The following VHL variants were observed in gnomAD, a reference collection of about 807,000 sequenced individuals.
The protein encoded by VHL is von Hippel-Lindau tumor suppressor.
VHL carries 10 observed loss-of-function variants against 19.2 expected under a neutral mutation model. The ratio of observed to expected loss-of-function variants is 0.52; its 90% CI spans 0.32 to 0.89. The LOEUF is 0.89. Among genes scored for constraint, VHL ranks in the 40% least tolerant of loss-of-function variants. VHL has a pLI of 0.03. For missense variants in VHL, 328 were observed against 292.7 expected, an observed-to-expected ratio of 1.12 and a Z score of -0.88; for synonymous variants, 167 against 129.5, an observed-to-expected ratio of 1.29 and a Z score of -1.97.
At chr3:10,146,967 A>G (rs763511251) in intron 2 of VHL, among the ~76,000 whole-genome samples, 13 of 152,162 alleles carry the variant, frequency 8.5e-5, no homozygotes, top group African/African-American at 1.4e-4. Context: ...CAGGAGAACA[A>G]TGTGTAGAGC....
rs755794553 is a variant in VHL, at chr3:10,142,114, C to T, written c.267C>T (p.Leu89=). 1.2e-6 allele frequency: 2 copies of T among 1,602,316 alleles called. No homozygotes were observed. Among genetic ancestry groups the T allele is most frequent in the Non-Finnish European group, 8.5e-7 (1 of 1,179,706 alleles). The part of the protein sequence containing the change: ...RSPRVVLPVW[L]NFDGEPQPYP... ...CGCGCGTCGTGCTGCCCGTATGGCT[C>T]AACTTCGACGGCGAGCCGCAGCCCT... The change falls in exon 1 of 3, where the codon CTC becomes CTT. Residue 89 remains leucine, a synonymous_variant. Transcript: ENST00000256474.
intron 2 of VHL, among the ~76,000 whole-genome samples, chr3:10,147,136 C>T (rs943512810): frequency 4.0e-5 from 6 of 151,698 alleles, no homozygotes; most frequent in African/African-American, 1.2e-4. Flanking sequence ...CTCAGCCTCC[C>T]GAGTAGCTGG....
chr3:10,150,503 C>T lies in VHL; in HGVS notation c.*538C>T, dbSNP rs1696383851. 4.8e-6 allele frequency: 2 copies of T among 420,800 alleles called. No individual in the cohort carries two copies. Among genetic ancestry groups the T allele is most frequent in the South Asian group, 1.5e-4 (2 of 13,456 alleles). The allele number at this position is 420,800 out of a possible 1,614,324, so 26.1% of individuals were successfully genotyped here. On this transcript the variant is annotated 3_prime_UTR_variant, in exon 3 of 3. Coordinates refer to ENST00000256474, the MANE Select transcript of VHL (RefSeq NM_000551.4). ...TTTGTCAGAGGAACAAACCAGGGGA[C>T]ACTTTGTTAGAAAGTGCTTAGAGGT...
intron 1 of VHL, among the ~76,000 whole-genome samples, chr3:10,143,851 G>C (rs949474557): frequency 2.0e-5 from 3 of 152,188 alleles, no homozygotes; most frequent in African/African-American, 7.2e-5. Context: ...GACTGCTGTC[G>C]AGGAAGCAGT....
rs546327119 is a variant in VHL, at chr3:10,146,731, G to C, written c.463+95G>C. The C allele has an allele frequency of 2.0e-6, 3 of 1,523,952 alleles. No individual in the cohort carries two copies. In the South Asian group the frequency reaches 3.4e-5, roughly 17 times the overall value. 94.4% of individuals were successfully genotyped at this position (1,523,952 alleles called of 1,614,324 possible). ...TAAGCCCAGTTCTCAATTTTTGCCT[G>C]ATGTCAGGCACGTTATCCAATCTTT... On this transcript the variant is annotated intron_variant, in intron 2 of 2. Coordinates refer to ENST00000256474, the MANE Select transcript of VHL (RefSeq NM_000551.4).
chr3:10,142,247 C>G (rs1696143267), intron 1 of VHL, 60 bp downstream of exon 1: 3 of 1,545,058 alleles, frequency 1.9e-6, no homozygotes, highest in Admixed American at 1.9e-5. Flanking sequence ...TGAAGCCCCT[C>G]TACCGCCCCG....
chr3:10,151,543 CT>C lies in VHL; in HGVS notation c.*1583del. ...ACATTTTGAGCTATTTCCTTCCAGC[CT>C]TTTTAGGGCAGATTTTGGTTGGTTT... On this transcript the variant is annotated 3_prime_UTR_variant, in exon 3 of 3. Coordinates refer to ENST00000256474, the MANE Select transcript of VHL (RefSeq NM_000551.4). 1 of 226,466 alleles carries C rather than the reference CT, an allele frequency of 4.4e-6. No individual in the cohort carries two copies. Among genetic ancestry groups the C allele is most frequent in the Non-Finnish European group, 8.8e-6 (1 of 113,874 alleles). The allele number at this position is 226,466 out of a possible 1,614,324, so 14.0% of individuals were successfully genotyped here. A position where few individuals can be genotyped will look rare whatever the true frequency, so the allele number is the denominator to read the frequency against.
chr3:10,150,268 A>T lies in VHL; in HGVS notation c.*303A>T, dbSNP rs573000980. The T allele has an allele frequency of 5.3e-4, 690 of 1,294,848 alleles. 9 individuals carry two copies. The South Asian group carries it at 0.01, about 19-fold the overall frequency. 80.2% of individuals were successfully genotyped at this position (1,294,848 alleles called of 1,614,324 possible). On this transcript the variant is annotated 3_prime_UTR_variant, in exon 3 of 3. Coordinates refer to ENST00000256474, the MANE Select transcript of VHL (RefSeq NM_000551.4). Reference sequence around the variant, plus strand: ...GTATGTAAGGAGGTTTGTATAAGTAATTCAGTGGGAATTGCAGCATATCGT... The same window carrying T: ...GTATGTAAGGAGGTTTGTATAAGTATTTCAGTGGGAATTGCAGCATATCGT...
rs779514074 is a variant in VHL, at chr3:10,149,928, C to T, written c.605C>T (p.Thr202Ile). ...PNVQKDLERL[T>I]QERIAHQRMG... ...GTGCAGAAAGACCTGGAGCGGCTGACACAGGAGCGCATTGCACATCAACGG... is the reference window on the plus strand; with the variant it reads ...GTGCAGAAAGACCTGGAGCGGCTGATACAGGAGCGCATTGCACATCAACGG... Residue 202 changes from threonine to isoleucine, a missense_variant, in exon 3 of 3, where the codon ACA (threonine) becomes ATA (isoleucine). By Grantham distance (89) the Thr-to-Ile change is moderately conservative. Coordinates refer to ENST00000256474, the MANE Select transcript of VHL (RefSeq NM_000551.4). The T allele has an allele frequency of 2.3e-5, 37 of 1,614,162 alleles. No homozygotes were observed. Among genetic ancestry groups the T allele is most frequent in the Admixed American group, 3.3e-5 (2 of 59,996 alleles).
At chr3:10,149,389 A>G (rs1696344639) in intron 2 of VHL, among the ~76,000 whole-genome samples, 1 of 152,178 alleles carries the variant, frequency 6.6e-6, no homozygotes, top group South Asian at 2.1e-4. Flanking sequence ...TTGGGATCAC[A>G]GGCATGAACC....
rs561823965 is a variant in VHL, at chr3:10,149,289, T to C, written c.464-498T>C. Among the ~76,000 whole-genome samples, 10 of 151,820 alleles carry C rather than the reference T, an allele frequency of 6.6e-5. No individual in the cohort carries two copies. The East Asian group carries it at 1.7e-3, about 26-fold the overall frequency. The stretch of plus-strand genomic sequence containing the variant: ...CACCATGCCTGGCTAATTTTTTGTG[T>C]ATTTTGTAGAGACGGGGTTTCGCCA... On this transcript the variant is annotated intron_variant, in intron 2 of 2. Coordinates refer to ENST00000256474, the MANE Select transcript of VHL (RefSeq NM_000551.4).
chr3:10,147,361 T>TG (rs1238392694), intron 2 of VHL, among the ~76,000 whole-genome samples: 2 of 32,386 alleles, frequency 6.2e-5, no homozygotes, highest in Non-Finnish European at 1.2e-4. Context: ...TCAGAGGTGT[T>TG]TTTTTTTTTT....
In VHL at chr3:10,142,026, G is replaced by T. The variant is rs1696126647; in HGVS notation, c.179G>T (p.Arg60Leu). Residue 60 changes from arginine to leucine, a missense_variant, in exon 1 of 3, where the codon CGG becomes CTG. By Grantham distance (102) the Arg-to-Leu change is moderately radical. Coordinates refer to ENST00000256474, the MANE Select transcript of VHL (RefSeq NM_000551.4). ...GAGGAGATGGAGGCCGGGCGGCCGCGGCCCGTGCTGCGCTCGGTGAACTCG... is the reference window on the plus strand; with the variant it reads ...GAGGAGATGGAGGCCGGGCGGCCGCTGCCCGTGCTGCGCTCGGTGAACTCG... ...AEEEMEAGRP[R>L]PVLRSVNSRE... The T allele has an allele frequency of 6.3e-7, 1 of 1,596,510 alleles. No homozygotes were observed. Among genetic ancestry groups the T allele is most frequent in the South Asian group, 1.1e-5 (1 of 88,996 alleles).
rs1696370930 is a variant in VHL, at chr3:10,150,034, A to G, written c.*69A>G. On this transcript the variant is annotated 3_prime_UTR_variant, in exon 3 of 3. Transcript: ENST00000256474. ...GGTACTGATGAGTCTTGATCTAGAT[A>G]CAGGACTGGTTCCTTCCTTAGTTTC... 2 of 1,568,506 alleles carry G rather than the reference A, an allele frequency of 1.3e-6. No individual in the cohort carries two copies. The highest frequency in any genetic ancestry group is 1.2e-5 in the South Asian group (1 of 85,408).
At chr3:10,143,061 CTT>C (rs1575923574) in intron 1 of VHL, 2 of 151,848 alleles carry the variant, frequency 1.3e-5, no homozygotes. Flanking sequence ...GACCTGGAGT[CTT>C]GGGAGAGGAT....
intron 2 of VHL, among the ~76,000 whole-genome samples, chr3:10,148,386 C>T (rs1168248014): frequency 1.4e-5 from 2 of 141,240 alleles, no homozygotes; most frequent in East Asian, 4.3e-4. Flanking sequence ...GGGATCTCGG[C>T]TCACTGCAAG....
chr3:10,142,310 G>C (rs1696145707), intron 1 of VHL, 123 bp downstream of exon 1: 2 of 1,012,626 alleles, frequency 2.0e-6, no homozygotes, highest in Admixed American at 2.6e-5. Context: ...GACACATCCA[G>C]GGTGACGCTG....
chr3:10,145,705 CAAAA>C (rs35732631), intron 1 of VHL, among the ~76,000 whole-genome samples: 1 of 133,772 alleles, frequency 7.5e-6, no homozygotes, highest in Non-Finnish European at 1.6e-5. Flanking sequence ...GACTGCATCT[CAAAA>C]AAAAAAAAAA....
At chr3:10,148,077 CAG>C (rs1696307320) in intron 2 of VHL, among the ~76,000 whole-genome samples, 1 of 151,076 alleles carries the variant, frequency 6.6e-6, no homozygotes, top group African/African-American at 2.4e-5. Context: ...GCCCAGGTGA[CAG>C]AGTGAGATCC....
Sources: gnomAD v4.1 joint callset for allele counts (sites outside exome capture counted in the v4.1 genomes callset) on GRCh38, gnomAD v4.1.1 for gene constraint, MANE v1.5 for transcripts, NCBI Gene and HGNC (gene_info 2026-07-23, HGNC 2026-07-21) for gene names.